Variants in GLP1R observed in about 807,000 individuals in gnomAD.
The protein encoded by GLP1R is glucagon-like peptide 1 receptor.
In GLP1R, 32 loss-of-function variants were observed where a neutral mutation model predicts 68.4. The observed-to-expected ratio is 0.47, with a 90% CI of 0.35 to 0.63. The LOEUF is 0.63. GLP1R is among the 20% of genes least tolerant of loss of function. GLP1R has a pLI of 0.00. For missense variants in GLP1R, 502 were observed against 594.9 expected (o/e 0.84, Z 1.62); for synonymous variants, 263 against 244.4 (o/e 1.08, Z -0.71).
chr6:39,066,019 G>C (rs1768498098), intron 4 of GLP1R, among the ~76,000 whole-genome samples, 178 bp from the exon 5 acceptor site: 2 of 152,286 alleles, frequency 1.3e-5, no homozygotes, highest in Middle Eastern at 3.4e-3. Context: ...CCTTGGAACA[G>C]GGCCCAAGAT....
chr6:39,083,222 AC>A (rs1405266858), intron 12 of GLP1R, among the ~76,000 whole-genome samples: 3 of 152,032 alleles, frequency 2.0e-5, no homozygotes, highest in Non-Finnish European at 4.4e-5. Context: ...GAACGGGAGA[AC>A]CTGTCTCCCT....
intron 5 of GLP1R, among the ~76,000 whole-genome samples, chr6:39,066,894 C>T (rs1283354747): frequency 6.6e-6 from 1 of 152,130 alleles, no homozygotes; most frequent in Admixed American, 6.5e-5. Flanking sequence ...CACCAGGCAG[C>T]AAGAGCAGGA....
intron 3 of GLP1R, 141 bp downstream of exon 3, chr6:39,057,720 C>T (rs1344502395): frequency 3.4e-6 from 2 of 584,020 alleles, no homozygotes; most frequent in Non-Finnish European, 6.2e-6. Context: ...TGGTGAGCCC[C>T]CTCCCTGACC....
chr6:39,066,348 C>G (rs1284715643), intron 5 of GLP1R, 45 bp downstream of exon 5: 1 of 1,020,084 alleles, frequency 9.8e-7, no homozygotes, highest in African/African-American at 1.6e-5. Context: ...CATCCTAACT[C>G]CCCCAGATAG....
intron 1 of GLP1R, 51 bp downstream of exon 1, chr6:39,048,969 G>A (rs781167965): frequency 6.7e-6 from 5 of 742,278 alleles, no homozygotes; most frequent in Middle Eastern, 6.6e-4. Context: ...GGCTCTGCGG[G>A]CTGCAGGCGC....
In GLP1R at chr6:39,091,206, G is replaced by A. The variant is rs569169304; in HGVS notation, c.*5133G>A. Among the ~76,000 whole-genome samples the A allele has an allele frequency of 2.0e-5, 3 of 152,274 alleles. No individual in the cohort carries two copies. Among genetic ancestry groups the A allele is most frequent in the East Asian group, 1.9e-4 (1 of 5,184 alleles). On this transcript the variant is annotated 3_prime_UTR_variant, in exon 13 of 13. Transcript: ENST00000373256. Reference sequence around the variant, plus strand: ...AATAGGACCAGCTTCTATAGGTAGCGAATGTGTAGGTCATATAATTCCTTG... The same window carrying A: ...AATAGGACCAGCTTCTATAGGTAGCAAATGTGTAGGTCATATAATTCCTTG...
At chr6:39,073,258 C>T (rs1004065084) in intron 6 of GLP1R, among the ~76,000 whole-genome samples, 8 of 152,204 alleles carry the variant, frequency 5.3e-5, no homozygotes, top group African/African-American at 1.7e-4. Context: ...AATTCTCAGT[C>T]TGACACAAAA....
chr6:39,065,681 G>T (rs202127713), intron 3 of GLP1R, 30 bp from the exon 4 acceptor site: 3 of 1,436,206 alleles, frequency 2.1e-6, no homozygotes, highest in Non-Finnish European at 2.9e-6. Flanking sequence ...ATTCTGGGCT[G>T]AGGCTCAGGG....
intron 4 of GLP1R, 86 bp from the exon 5 acceptor site, chr6:39,066,111 G>A: frequency 1.3e-6 from 1 of 785,916 alleles, no homozygotes; most frequent in South Asian, 1.7e-5. Context: ...TGGGGCCCCA[G>A]CTCTGTCTCT....
rs2235868 is a variant in GLP1R at position 39,072,878 on chromosome 6, A to C, written c.526A>C (p.Arg176=). 0.51 allele frequency: 819,844 copies of C among 1,613,386 alleles called. 210,937 individuals are homozygous for C. Among genetic ancestry groups the C allele is most frequent in the Admixed American group, 0.54 (32,213 of 60,000 alleles). The change falls in exon 6 of 13, where the codon AGG becomes CGG. Residue 176 remains arginine (R), a synonymous_variant. Transcript: ENST00000373256. ...CTCCCTCAGACACCTGCACTGCACC[A>C]GGAACTACATCCACCTGAACCTGTT... is the stretch of plus-strand genomic sequence containing the variant. ...LLGFRHLHCT[R]NYIHLNLFAS... is the part of the protein sequence containing the mutation.
chr6:39,048,852 C>T lies in GLP1R; in HGVS notation c.12C>T (p.Ala4=). The T allele has an allele frequency of 6.7e-7, 1 of 1,486,054 alleles. No individual in the cohort carries two copies. The highest frequency in any genetic ancestry group is 9.0e-7 in the Non-Finnish European group (1 of 1,116,054). 92.1% of individuals were successfully genotyped at this position (1,486,054 alleles called of 1,614,324 possible). A position where few individuals can be genotyped will look rare whatever the true frequency, so the allele number is the denominator to read the frequency against. Residue 4 remains alanine, a synonymous_variant, in exon 1 of 13, where the codon GCC becomes GCT. Coordinates refer to ENST00000373256, the MANE Select transcript of GLP1R (RefSeq NM_002062.5). ...CTGAACTCCCCGCCATGGCCGGCGC[C>T]CCCGGCCCGCTGCGCCTTGCGCTGC... The part of the protein sequence containing the change: MAG[A]PGPLRLALLL...
At chr6:39,059,621 TG>T (rs1447523996) in intron 3 of GLP1R, among the ~76,000 whole-genome samples, 1 of 152,178 alleles carries the variant, frequency 6.6e-6, no homozygotes, top group Non-Finnish European at 1.5e-5. Context: ...CCAAGTGACA[TG>T]GGTGTCGGGA....
rs1768932271 is a variant in GLP1R at position 39,079,491 on chromosome 6, G to A, written c.1044-73G>A. ...ATATCAGGACTTGGTAGGAAGTGGG[G>A]AGGGTAGAGAAAGGGAAGAAGAGTC... is the stretch of plus-strand genomic sequence containing the variant. On this transcript the variant is annotated intron_variant, in intron 10 of 12. Coordinates refer to ENST00000373256, the MANE Select transcript of GLP1R (RefSeq NM_002062.5). The surrounding 1 kb of genome is among the most constrained non-coding windows in gnomAD (Gnocchi z 4.5). 4.3e-6 allele frequency: 6 copies of A among 1,392,608 alleles called. No homozygotes were observed. The highest frequency in any genetic ancestry group is 2.3e-5 in the Admixed American group (1 of 44,356). The allele number at this position is 1,392,608 out of a possible 1,614,324, so 86.3% of individuals were successfully genotyped here. A position where few individuals can be genotyped will look rare whatever the true frequency, so the allele number is the denominator to read the frequency against.
chr6:39,057,554 C>G lies in GLP1R; in HGVS notation c.258C>G (p.Pro86=). Residue 86 remains proline (P), a synonymous_variant, in exon 3 of 13, where the codon CCC becomes CCG. Coordinates refer to ENST00000373256, the MANE Select transcript of GLP1R (RefSeq NM_002062.5). ...EPGSFVNVSC[P]WYLPWASSVP... The stretch of plus-strand genomic sequence containing the variant: ...GCTCGTTCGTGAATGTCAGCTGCCC[C>G]TGGTACCTGCCCTGGGCCAGCAGTG... The G allele has an allele frequency of 6.2e-7, 1 of 1,608,846 alleles. No homozygotes were observed. Among genetic ancestry groups the G allele is most frequent in the Non-Finnish European group, 8.5e-7 (1 of 1,177,028 alleles).
Position 39,049,360 on chromosome 6 carries a change from T to C in GLP1R, c.78+442T>C, listed in dbSNP as rs1768034150. The stretch of plus-strand genomic sequence containing the variant: ...TCTCCCGCAGTGCCTCCCCAGACAA[T>C]CCACCTGCTCAAAGACCCTGAGAAG... On this transcript the variant is annotated intron_variant, in intron 1 of 12. Transcript: ENST00000373256. The surrounding 1 kb of genome is among the most constrained non-coding windows in gnomAD (Gnocchi z 4.5). 6.6e-6 allele frequency among the ~76,000 whole-genome samples: 1 copy of C among 151,886 alleles called. No homozygotes were observed. The highest frequency in any genetic ancestry group is 2.1e-4 in the South Asian group (1 of 4,800).
At chr6:39,081,193 A>C (rs570267203) in intron 12 of GLP1R, among the ~76,000 whole-genome samples, 1 of 152,098 alleles carries the variant, frequency 6.6e-6, no homozygotes, top group Non-Finnish European at 1.5e-5. Flanking sequence ...TTATATATAC[A>C]TGAAAACACT....
Position 39,089,190 on chromosome 6 carries a change from G to T in GLP1R, c.*3117G>T, listed in dbSNP as rs567313351. ...TCATTCATCCTTGTCTTAAACTTAA[G>T]AAATGAAATGCATCAGGGCACACAT... On this transcript the variant is annotated 3_prime_UTR_variant, in exon 13 of 13. Coordinates refer to ENST00000373256, the MANE Select transcript of GLP1R (RefSeq NM_002062.5). This position sits in a 1 kb window ranked among gnomAD's most constrained non-coding sequence, Gnocchi z 4.1. Among the ~76,000 whole-genome samples, 36 of 152,270 alleles carry T rather than the reference G, an allele frequency of 2.4e-4. No homozygotes were observed. The South Asian group carries it at 7.5e-3, about 32-fold the overall frequency.
At chr6:39,071,578 C>A (rs1309914189) in intron 5 of GLP1R, among the ~76,000 whole-genome samples, 1 of 151,918 alleles carries the variant, frequency 6.6e-6, no homozygotes, top group African/African-American at 2.4e-5. Context: ...GCCTTTCCTT[C>A]CCCCTTGGTT....
rs1204598914 is a variant in GLP1R, at chr6:39,090,013, C to A, written c.*3940C>A. Among the ~76,000 whole-genome samples the A allele has an allele frequency of 6.6e-6, 1 of 152,252 alleles. No homozygotes were observed. Among genetic ancestry groups the A allele is most frequent in the Admixed American group, 6.5e-5 (1 of 15,292 alleles). ...CATTCAGCAGAAACCAAATTAGGAT[C>A]AACTCTTAACATTTTTTCCCTCTTT... is the stretch of plus-strand genomic sequence containing the variant. On this transcript the variant is annotated 3_prime_UTR_variant, in exon 13 of 13. Coordinates refer to ENST00000373256, the MANE Select transcript of GLP1R (RefSeq NM_002062.5).
Sources: gnomAD v4.1 joint callset for allele counts (sites outside exome capture counted in the v4.1 genomes callset) on GRCh38, gnomAD v4.1.1 for gene constraint, Gnocchi (gnomAD v3.1) non-coding constraint, MANE v1.5 for transcripts, NCBI Gene and HGNC (gene_info 2026-07-23, HGNC 2026-07-21) for gene names.